The following RIMS2 variants were observed in gnomAD, a reference collection of about 807,000 sequenced individuals.
RIMS2 encodes the protein regulating synaptic membrane exocytosis protein 2.
Under a neutral mutation model 174.4 loss-of-function variants are expected in RIMS2, and 59 were observed. The observed-to-expected ratio is 0.34, with a 90% CI of 0.27 to 0.42. The LOEUF is 0.42. Ranked by LOEUF, RIMS2 falls within the 10% of genes least tolerant of loss-of-function variation. The probability of loss-of-function intolerance (pLI) is 1.00; values close to 1 mark genes in which losing one functional copy is unlikely to be tolerated. For missense variants in RIMS2, 1,620 were observed against 1,666.3 expected, an observed-to-expected ratio of 0.97 and a Z score of 0.48; for synonymous variants, 606 against 572.5, an observed-to-expected ratio of 1.06 and a Z score of -0.84.
chr8:104,093,042 T>G (rs188627782), intron 19 of RIMS2, among the ~76,000 whole-genome samples: 15 of 151,940 alleles, frequency 9.9e-5, no homozygotes, highest in Admixed American at 8.5e-4. Flanking sequence ...CTAAAAAGAG[T>G]TAATGGTTTA....
intron 1 of RIMS2, among the ~76,000 whole-genome samples, chr8:103,651,432 T>A (rs954802833): frequency 6.7e-6 from 1 of 148,966 alleles, no homozygotes; most frequent in African/African-American, 2.5e-5. Flanking sequence ...CTAAATCAGT[T>A]TCTGACTGTG....
At chr8:103,505,818 T>C (rs1055921870) in intron 1 of RIMS2, among the ~76,000 whole-genome samples, 3 of 152,206 alleles carry the variant, frequency 2.0e-5, no homozygotes, top group Non-Finnish European at 4.4e-5. Flanking sequence ...TTTGCAATTT[T>C]CTTGTCAGAA....
At chr8:104,004,274 G>A (rs56370807) in intron 17 of RIMS2, among the ~76,000 whole-genome samples, 23,817 of 152,158 alleles carry the variant, frequency 0.16, 2,517 homozygotes, top group Non-Finnish European at 0.24. Context: ...CCCATGAAAT[G>A]AGGGCTTAGA....
chr8:103,863,180 G>T (rs1418582401), intron 3 of RIMS2, among the ~76,000 whole-genome samples: 1 of 152,102 alleles, frequency 6.6e-6, no homozygotes, highest in Middle Eastern at 3.2e-3. Flanking sequence ...ATGAAGGGAT[G>T]TTGGATTTTG....
At chr8:103,768,617 T>C in intron 3 of RIMS2, 2 of 1,096,062 alleles carry the variant, frequency 1.8e-6, no homozygotes, top group Non-Finnish European at 2.8e-6. Context: ...AACTTGGTTA[T>C]TGTAAAAAAA....
At chr8:104,024,930 T>C (rs1018182563) in intron 19 of RIMS2, among the ~76,000 whole-genome samples, 2 of 152,136 alleles carry the variant, frequency 1.3e-5, no homozygotes, top group Non-Finnish European at 1.5e-5. Flanking sequence ...ACAAAGCTTT[T>C]AGCCTTTCTG....
chr8:104,096,195 A>C (rs1219598441), intron 19 of RIMS2, among the ~76,000 whole-genome samples: 1 of 152,118 alleles, frequency 6.6e-6, no homozygotes, highest in East Asian at 1.9e-4. Context: ...TTCCAGGAGC[A>C]AAGAAAAGAA....
intron 16 of RIMS2, among the ~76,000 whole-genome samples, chr8:103,980,282 G>A (rs2154549107): frequency 6.6e-6 from 1 of 152,236 alleles, no homozygotes; most frequent in Non-Finnish European, 1.5e-5. Flanking sequence ...GAGTCAAGAA[G>A]CCCCCGTTCT....
intron 1 of RIMS2, among the ~76,000 whole-genome samples, chr8:103,674,258 CA>C: frequency 6.6e-6 from 1 of 152,272 alleles, no homozygotes; most frequent in South Asian, 2.1e-4. Flanking sequence ...CTGAGCCCTC[CA>C]AACTCTTCCA....
intron 19 of RIMS2, among the ~76,000 whole-genome samples, chr8:104,131,625 G>A (rs2098474371): frequency 6.6e-6 from 1 of 152,158 alleles, no homozygotes; most frequent in Non-Finnish European, 1.5e-5. Flanking sequence ...AAGCAATCAT[G>A]CAGTTATTGC....
chr8:103,828,524 T>A (rs1476391797), intron 3 of RIMS2, among the ~76,000 whole-genome samples: 1 of 152,176 alleles, frequency 6.6e-6, no homozygotes, highest in Non-Finnish European at 1.5e-5. Flanking sequence ...TTTCTCCCAT[T>A]CTGTAGGTGT....
intron 3 of RIMS2, among the ~76,000 whole-genome samples, chr8:103,835,587 T>C (rs976634255): frequency 6.6e-6 from 1 of 152,238 alleles, no homozygotes; most frequent in Non-Finnish European, 1.5e-5. Context: ...GGATTTATAC[T>C]TACCATCTCT....
At chr8:103,824,744 C>A (rs1374769352) in intron 3 of RIMS2, among the ~76,000 whole-genome samples, 1 of 152,162 alleles carries the variant, frequency 6.6e-6, no homozygotes, top group Non-Finnish European at 1.5e-5. Flanking sequence ...CTTTTTTATT[C>A]TACTGCTGTC....
intron 19 of RIMS2, among the ~76,000 whole-genome samples, chr8:104,106,842 T>C (rs1263883522): frequency 6.6e-6 from 1 of 152,176 alleles, no homozygotes; most frequent in Non-Finnish European, 1.5e-5. Flanking sequence ...AAATTTAACA[T>C]ACAGAAGTTC....
rs146438250 is a variant in RIMS2 at position 103,772,324 on chromosome 8, A to G, written c.698+5787A>G. On this transcript the variant is annotated intron_variant, in intron 3 of 23. Transcript: ENST00000504942. ...TGTAGAATATAGTCAATGTCTGATA[A>G]CCATTTATCTTTCTAAATAGTAGCA... Among the ~76,000 whole-genome samples, 646 of 152,086 alleles carry G rather than the reference A, an allele frequency of 4.2e-3. 4 individuals carry two copies. Among genetic ancestry groups the G allele is most frequent in the African/African-American group, 0.015 (615 of 41,562 alleles).
chr8:103,786,366 G>T lies in RIMS2; in HGVS notation c.698+19829G>T, dbSNP rs559808557. 5.9e-5 allele frequency among the ~76,000 whole-genome samples: 9 copies of T among 151,902 alleles called. No homozygotes were observed. In the East Asian group the frequency reaches 1.7e-3, roughly 29 times the overall value. On this transcript the variant is annotated intron_variant, in intron 3 of 23. Transcript: ENST00000504942. ...TAGTTCTTTTAATTGTGATGTTAGG[G>T]TGTCAATTTTGGATCTTTCCTGCTT...
At chr8:104,053,096 C>T (rs1230679961) in intron 19 of RIMS2, among the ~76,000 whole-genome samples, 1 of 152,102 alleles carries the variant, frequency 6.6e-6, no homozygotes, top group African/African-American at 2.4e-5. Context: ...TTCTAGTAAC[C>T]TTTGAGAGAT....
intron 19 of RIMS2, among the ~76,000 whole-genome samples, chr8:104,216,598 A>G (rs922614094): frequency 3.3e-5 from 5 of 152,242 alleles, no homozygotes; most frequent in Admixed American, 6.5e-5. Flanking sequence ...GACATCCTCA[A>G]TATGCCTTGG....
chr8:103,892,431 TG>T (rs1264052858), intron 4 of RIMS2, among the ~76,000 whole-genome samples: 3 of 151,846 alleles, frequency 2.0e-5, no homozygotes, highest in Non-Finnish European at 2.9e-5. Flanking sequence ...CTTGAACACC[TG>T]GGCTCCAGCA....
Sources: gnomAD v4.1 joint callset for allele counts (sites outside exome capture counted in the v4.1 genomes callset) on GRCh38, gnomAD v4.1.1 for gene constraint, MANE v1.5 for transcripts, NCBI Gene and HGNC (gene_info 2026-07-23, HGNC 2026-07-21) for gene names.